IFFO2: variants seen among roughly 807,000 people sequenced by gnomAD.
IFFO2 encodes the protein intermediate filament family orphan 2.
A neutral mutation model predicts 53.5 loss-of-function variants in IFFO2; 19 were observed. The ratio of observed to expected loss-of-function variants is 0.36; its 90% CI spans 0.25 to 0.52. The LOEUF (loss-of-function observed/expected upper bound fraction) is 0.52, where lower values mean the gene tolerates loss of function less well. IFFO2 is among the 20% of genes least tolerant of loss of function. The probability of loss-of-function intolerance (pLI) is 0.94; values close to 1 mark genes in which losing one functional copy is unlikely to be tolerated. For missense variants in IFFO2, 570 were observed against 727.4 expected (o/e 0.78, Z 2.49); for synonymous variants, 303 against 313.6 (o/e 0.97, Z 0.36).
rs1445471696 is a variant in IFFO2 at position 18,906,676 on chromosome 1, G to A, written c.*1885C>T. 1 of 152,208 alleles carries A rather than the reference G, an allele frequency of 6.6e-6. No homozygotes were observed. Among genetic ancestry groups the A allele is most frequent in the South Asian group, 2.1e-4 (1 of 4,830 alleles). The allele number at this position is 152,208 out of a possible 1,614,324, so 9.4% of individuals were successfully genotyped here. ...TAACCTTTAGAACAAGGGTGAGTGAGGAGAGAGAAGGGCCGTCTCTCTTCC... is the reference window on the plus strand; with the variant it reads ...TAACCTTTAGAACAAGGGTGAGTGAAGAGAGAGAAGGGCCGTCTCTCTTCC... On this transcript the variant is annotated 3_prime_UTR_variant, in exon 9 of 9. Coordinates refer to ENST00000455833, the MANE Select transcript of IFFO2 (RefSeq NM_001136265.2).
intron 7 of IFFO2, 49 bp from the exon 8 acceptor site, chr1:18,910,521 A>G (rs3748583): frequency 0.011 from 16,486 of 1,569,636 alleles, 271 homozygotes; most frequent in East Asian, 0.062. Context: ...CATCCTCGTG[A>G]CAGAAGCCTC....
intron 1 of IFFO2, among the ~76,000 whole-genome samples, chr1:18,929,583 T>TC (rs1477900769): frequency 6.6e-6 from 1 of 151,628 alleles, no homozygotes; most frequent in Non-Finnish European, 1.5e-5. Flanking sequence ...CACCTGACAT[T>TC]CCCCCCACTT....
intron 8 of IFFO2, among the ~76,000 whole-genome samples, chr1:18,909,192 C>CTACG (rs559652845): frequency 1.8e-3 from 277 of 152,242 alleles, no homozygotes; most frequent in Middle Eastern, 6.8e-3. Context: ...AAAGGCAAGG[C>CTACG]TACGGCCCTG....
At chr1:18,933,547 C>G (rs566169121) in intron 1 of IFFO2, among the ~76,000 whole-genome samples, 1 of 152,180 alleles carries the variant, frequency 6.6e-6, no homozygotes, top group Non-Finnish European at 1.5e-5. Context: ...AGGTGGATCA[C>G]TTGAGCCCAG....
intron 1 of IFFO2, 82 bp downstream of exon 1, chr1:18,955,586 C>T (rs1936712978): frequency 1.4e-6 from 2 of 1,469,576 alleles, no homozygotes; most frequent in East Asian, 2.8e-5. Flanking sequence ...GCCCGCCCGG[C>T]CCCCGTCCCG....
chr1:18,922,894 G>A (rs1936234591), intron 1 of IFFO2, among the ~76,000 whole-genome samples: 1 of 151,942 alleles, frequency 6.6e-6, no homozygotes, highest in South Asian at 2.1e-4. Flanking sequence ...AGAAGAGCAG[G>A]CCCCATGTTG....
At chr1:18,953,948 C>G (rs1216108892) in intron 1 of IFFO2, among the ~76,000 whole-genome samples, 1 of 152,232 alleles carries the variant, frequency 6.6e-6, no homozygotes, top group Non-Finnish European at 1.5e-5. Context: ...ACACAATCAA[C>G]AGTGGCAGAC....
rs1479716112 is a variant in IFFO2 at position 18,932,931 on chromosome 1, C to A, written c.666-11810G>T. On this transcript the variant is annotated intron_variant, in intron 1 of 8. Transcript: ENST00000455833. ...CTGGCACCAAGAGAGCCTTCATGAG[C>A]GAGCGTTGGGTGTTTCTGGAGACAC... is the stretch of plus-strand genomic sequence containing the variant. 2.0e-5 allele frequency among the ~76,000 whole-genome samples: 3 copies of A among 152,312 alleles called. No homozygotes were observed. In the East Asian group the frequency reaches 5.8e-4, roughly 29 times the overall value.
At chr1:18,911,674 G>T (rs1298443652) in intron 6 of IFFO2, among the ~76,000 whole-genome samples, 198 bp from the exon 7 acceptor site, 2 of 152,092 alleles carry the variant, frequency 1.3e-5, no homozygotes, top group Non-Finnish European at 2.9e-5. Flanking sequence ...GAATAGCTGG[G>T]ATTACAGGTG....
intron 1 of IFFO2, among the ~76,000 whole-genome samples, chr1:18,941,935 C>A (rs1023338659): frequency 4.6e-5 from 7 of 152,314 alleles, no homozygotes; most frequent in Admixed American, 2.0e-4. Flanking sequence ...TGGACACAGC[C>A]TTGAATGCCA....
intron 1 of IFFO2, among the ~76,000 whole-genome samples, chr1:18,929,621 C>T (rs1936346330): frequency 1.3e-5 from 2 of 150,030 alleles, no homozygotes; most frequent in South Asian, 4.3e-4. Flanking sequence ...GGGCCCTTTG[C>T]AGGGCAGCTA....
rs1569839167 is a variant in IFFO2, at chr1:18,918,484, T to A, written c.841A>T (p.Thr281Ser). ...TTCATGGCCTTTTCTTGGATCTTTGTGTCCAGGTCTGTCATGGGCTGCAGG... is the reference window on the plus strand; with the variant it reads ...TTCATGGCCTTTTCTTGGATCTTTGAGTCCAGGTCTGTCATGGGCTGCAGG... ...LMSDPMTDLD[T>S]KIQEKAMKVD... Residue 281 changes from threonine (T) to serine (S), a missense_variant, in exon 4 of 9, where the codon ACA becomes TCA. By Grantham distance (58) the Thr-to-Ser change is moderately conservative. Coordinates refer to ENST00000455833, the MANE Select transcript of IFFO2 (RefSeq NM_001136265.2). This position sits in a 1 kb window ranked among gnomAD's most constrained non-coding sequence, Gnocchi z 5.2. 2.6e-6 allele frequency: 4 copies of A among 1,554,742 alleles called. 1 individual carries two copies. In the South Asian group the frequency reaches 3.6e-5, roughly 14 times the overall value.
At position 18,950,835 on chromosome 1, in the gene IFFO2, C is replaced by A. The variant is rs115941959; in HGVS notation, c.665+4833G>T. On this transcript the variant is annotated intron_variant, in intron 1 of 8. Transcript: ENST00000455833. Reference sequence around the variant, plus strand: ...CCTTTTTGGAGTCCTCCATTCCAGCCGACAGCCCAGCCCCTTCCGGCTCAC... The same window carrying A: ...CCTTTTTGGAGTCCTCCATTCCAGCAGACAGCCCAGCCCCTTCCGGCTCAC... Among the ~76,000 whole-genome samples, 7 of 152,276 alleles carry A rather than the reference C, an allele frequency of 4.6e-5. No individual in the cohort carries two copies. The East Asian group carries it at 1.2e-3, about 25-fold the overall frequency.
intron 1 of IFFO2, among the ~76,000 whole-genome samples, chr1:18,943,090 G>A (rs1271146084): frequency 6.6e-6 from 1 of 152,164 alleles, no homozygotes; most frequent in East Asian, 1.9e-4. Flanking sequence ...GACTCAGCCA[G>A]CCATGGTGGC....
intron 1 of IFFO2, among the ~76,000 whole-genome samples, chr1:18,925,960 T>A (rs868813659): frequency 2.6e-5 from 1 of 38,500 alleles, no homozygotes; most frequent in Non-Finnish European, 5.2e-5. Flanking sequence ...GATGGATTGG[T>A]TGGATGGATG....
intron 5 of IFFO2, among the ~76,000 whole-genome samples, chr1:18,913,917 G>A (rs1483789588): frequency 3.3e-5 from 5 of 152,050 alleles, no homozygotes; most frequent in African/African-American, 7.2e-5. Context: ...TGCAGGCTCC[G>A]CCCCCTGGGG....
chr1:18,926,385 GA>G (rs1414414764), intron 1 of IFFO2, among the ~76,000 whole-genome samples: 1 of 152,212 alleles, frequency 6.6e-6, no homozygotes, highest in Non-Finnish European at 1.5e-5. Context: ...AGGAGAAGGA[GA>G]AACCTTCCCT....
At chr1:18,926,893 G>A (rs1344088625) in intron 1 of IFFO2, among the ~76,000 whole-genome samples, 7 of 152,176 alleles carry the variant, frequency 4.6e-5, no homozygotes, top group Non-Finnish European at 1.5e-5. Flanking sequence ...CTCCCGCTCA[G>A]GAGGAAAGTA....
At chr1:18,954,699 C>T (rs1016870322) in intron 1 of IFFO2, among the ~76,000 whole-genome samples, 2 of 152,194 alleles carry the variant, frequency 1.3e-5, no homozygotes, top group East Asian at 3.9e-4. Flanking sequence ...TATCGGAAAG[C>T]CAAGCAGACA....
Sources: allele counts gnomAD v4.1 joint callset (sites outside exome capture counted in the v4.1 genomes callset), GRCh38; gene constraint gnomAD v4.1.1; non-coding constraint Gnocchi (gnomAD v3.1); transcripts MANE v1.5; gene names NCBI Gene and HGNC (gene_info 2026-07-23, HGNC 2026-07-21).